The following WDR44 variants were observed in gnomAD, a reference collection of about 807,000 sequenced individuals.
The protein encoded by WDR44 is WD repeat-containing protein 44.
WDR44 carries 9 observed loss-of-function variants against 65.7 expected under a neutral mutation model. The ratio of observed to expected loss-of-function variants is 0.14; its 90% CI spans 0.08 to 0.24. WDR44 has a LOEUF of 0.24. Among genes scored for constraint, WDR44 ranks in the 10% least tolerant of loss-of-function variants. WDR44 has a pLI of 1.00. For synonymous variants in WDR44, 220 were observed against 235.2 expected (o/e 0.94, Z 0.59); for missense variants, 425 against 670.9 (o/e 0.63, Z 4.05).
At chrX:118,365,468 C>T (rs1334831806) in intron 1 of WDR44, among the ~76,000 whole-genome samples, 1 of 109,197 alleles carries the variant, frequency 9.2e-6, no homozygotes, top group Non-Finnish European at 1.9e-5. Flanking sequence ...GATCGTGCCA[C>T]TGCACTCCAG....
chrX:118,372,877 T>G (rs1025312497), intron 1 of WDR44, among the ~76,000 whole-genome samples: 4 of 111,708 alleles, frequency 3.6e-5, no homozygotes, highest in Non-Finnish European at 7.5e-5. Context: ...TCGTCTGAGG[T>G]CAGGAGGTTG....
intron 1 of WDR44, among the ~76,000 whole-genome samples, chrX:118,348,976 C>G (rs1034133561): frequency 8.9e-6 from 1 of 112,240 alleles, no homozygotes; most frequent in Non-Finnish European, 1.9e-5. Flanking sequence ...TGTTAATTAG[C>G]ACAATCCTAA....
chrX:118,407,327 C>A (rs757159282), intron 10 of WDR44, among the ~76,000 whole-genome samples: 1 of 110,616 alleles, frequency 9.0e-6, no homozygotes, highest in African/African-American at 3.3e-5. Context: ...ATGGCGAAAC[C>A]CTGTCTCTAC....
At chrX:118,435,801 A>C (rs2057249746) in intron 13 of WDR44, among the ~76,000 whole-genome samples, 1 of 112,810 alleles carries the variant, frequency 8.9e-6, no homozygotes, top group African/African-American at 3.2e-5. Context: ...ACTTTTAATC[A>C]TAAAGTATAC....
At chrX:118,385,259 C>A (rs1231947181) in intron 2 of WDR44, among the ~76,000 whole-genome samples, 1 of 112,010 alleles carries the variant, frequency 8.9e-6, no homozygotes, top group Non-Finnish European at 1.9e-5. Flanking sequence ...AACCTAAATG[C>A]CCATCAATGA....
At chrX:118,393,357 C>T (rs1017046199) in intron 4 of WDR44, 86 bp downstream of exon 4, 8 of 1,027,777 alleles carry the variant, frequency 7.8e-6, no homozygotes, top group Non-Finnish European at 9.1e-6. Flanking sequence ...CCAAGGCGGG[C>T]GGATCGCTTG....
rs2056835512 is a variant in WDR44, at chrX:118,393,231, C to T, written c.786C>T (p.Ser262=). ...RPAPPPRKRK[S]ELEFETLKTP... ...CTCCACCACCAAGAAAAAGGAAAAGCGAATTGGAATTTGAGACTCTGAAAA... is the reference window on the plus strand; with the variant it reads ...CTCCACCACCAAGAAAAAGGAAAAGTGAATTGGAATTTGAGACTCTGAAAA... The change falls in exon 4 of 20, where the codon AGC becomes AGT. Residue 262 remains serine (S), a synonymous_variant. Coordinates refer to ENST00000254029, the MANE Select transcript of WDR44 (RefSeq NM_019045.5). 1 of 1,198,591 alleles carries T rather than the reference C, an allele frequency of 8.3e-7. No individual in the cohort carries two copies. The highest frequency in any genetic ancestry group is 1.8e-5 in the South Asian group (1 of 55,909).
At chrX:118,392,501 G>A in intron 3 of WDR44, 131 bp from the exon 4 acceptor site, 1 of 538,502 alleles carries the variant, frequency 1.9e-6, no homozygotes, top group East Asian at 3.5e-5. Context: ...TAAGGTTGTT[G>A]TAAAGATTAA....
At chrX:118,418,390 C>G (rs750207328) in intron 12 of WDR44, among the ~76,000 whole-genome samples, 42 of 111,454 alleles carry the variant, frequency 3.8e-4, no homozygotes, top group Non-Finnish European at 7.2e-4. Context: ...TGATGTAGTA[C>G]TCTTCCCTTT....
At chrX:118,420,282 C>T (rs1003029817) in intron 12 of WDR44, among the ~76,000 whole-genome samples, 1 of 110,695 alleles carries the variant, frequency 9.0e-6, no homozygotes, top group Non-Finnish European at 1.9e-5. Context: ...GACAGAGTCT[C>T]GCTCTGTCGC....
chrX:118,371,683 C>G (rs1170727624), intron 1 of WDR44, among the ~76,000 whole-genome samples: 5 of 110,964 alleles, frequency 4.5e-5, no homozygotes, highest in Non-Finnish European at 9.4e-5. Context: ...GTAAATGCAT[C>G]AGAAATATTT....
intron 12 of WDR44, among the ~76,000 whole-genome samples, chrX:118,427,681 A>T (rs941766305): frequency 6.1e-4 from 58 of 94,687 alleles, no homozygotes; most frequent in South Asian, 1.0e-3. Context: ...GAGGGCAGGA[A>T]TCTTTTTTTT....
intron 10 of WDR44, among the ~76,000 whole-genome samples, chrX:118,408,408 T>C (rs868296869): frequency 9.6e-6 from 1 of 104,516 alleles, no homozygotes; most frequent in Admixed American, 1.1e-4. Context: ...TTTTTTTTTT[T>C]TCTTTTTGTG....
intron 12 of WDR44, among the ~76,000 whole-genome samples, chrX:118,418,034 T>C (rs2057072599): frequency 8.9e-6 from 1 of 111,796 alleles, no homozygotes; most frequent in Non-Finnish European, 1.9e-5. Context: ...TCCTGAAGTT[T>C]TTATTGTTTT....
rs185511040 is a variant in WDR44, at chrX:118,443,747, C to G, written c.2512+60C>G. The G allele has an allele frequency of 1.0e-5, 11 of 1,104,942 alleles. No individual in the cohort carries two copies. The Admixed American group carries it at 2.7e-4, about 27-fold the overall frequency. 91.1% of individuals were successfully genotyped at this position (1,104,942 alleles called of 1,213,427 possible). A position where few individuals can be genotyped will look rare whatever the true frequency, so the allele number is the denominator to read the frequency against. ...AGAATCAAGTTACAGTGGATATATACTAGAAGTAAATTCATGACCGGACAC... is the reference window on the plus strand; with the variant it reads ...AGAATCAAGTTACAGTGGATATATAGTAGAAGTAAATTCATGACCGGACAC... On this transcript the variant is annotated intron_variant, in intron 18 of 19. Transcript: ENST00000254029.
intron 9 of WDR44, among the ~76,000 whole-genome samples, chrX:118,405,786 TAAC>T (rs1259832552): frequency 9.0e-6 from 1 of 111,285 alleles, no homozygotes; most frequent in Non-Finnish European, 1.9e-5. Flanking sequence ...AAAAATAATA[TAAC>T]AACTATTTAT....
At chrX:118,370,596 T>C (rs2056606303) in intron 1 of WDR44, among the ~76,000 whole-genome samples, 2 of 110,242 alleles carry the variant, frequency 1.8e-5, no homozygotes, top group African/African-American at 6.6e-5. Flanking sequence ...AACCTCTTTT[T>C]TTTTTTTAGA....
intron 1 of WDR44, among the ~76,000 whole-genome samples, chrX:118,359,035 C>T (rs1041526574): frequency 1.0e-4 from 11 of 109,635 alleles, no homozygotes; most frequent in African/African-American, 3.7e-4. Context: ...GATCACACCA[C>T]TGCACTCCAG....
intron 14 of WDR44, among the ~76,000 whole-genome samples, chrX:118,439,365 C>T (rs1257040697): frequency 1.8e-5 from 2 of 108,518 alleles, no homozygotes; most frequent in Non-Finnish European, 3.8e-5. Context: ...CACCTGAGGT[C>T]AGGAGTTCAA....
Sources: gnomAD v4.1 joint callset for allele counts (sites outside exome capture counted in the v4.1 genomes callset) on GRCh38, gnomAD v4.1.1 for gene constraint, MANE v1.5 for transcripts, NCBI Gene and HGNC (gene_info 2026-07-23, HGNC 2026-07-21) for gene names.